Variants in CBR4 observed in about 807,000 individuals in gnomAD.
The protein encoded by CBR4 is carbonyl reductase 4.
Under a neutral mutation model 21.0 loss-of-function variants are expected in CBR4, and 22 were observed. The observed-to-expected ratio is 1.05, with a 90% CI of 0.75 to 1.50. The LOEUF is 1.50. CBR4 is among the 40% of genes most tolerant of loss of function. The probability of loss-of-function intolerance (pLI) is 0.00; values close to 1 mark genes in which losing one functional copy is unlikely to be tolerated. For missense variants in CBR4, 302 were observed against 286.3 expected, an observed-to-expected ratio of 1.05 and a Z score of -0.40; for synonymous variants, 100 against 104.4, an observed-to-expected ratio of 0.96 and a Z score of 0.26.
chr4:168,988,818 T>A lies in CBR4; in HGVS notation c.*1332A>T, dbSNP rs1238926289. The A allele has an allele frequency of 1.1e-6, 1 of 952,136 alleles. No individual in the cohort carries two copies. Among genetic ancestry groups the A allele is most frequent in the African/African-American group, 1.8e-5 (1 of 56,526 alleles). The allele number at this position is 952,136 out of a possible 1,614,324, so 59.0% of individuals were successfully genotyped here. ...CCAGAATTTTTATTTAGAACACTGC[T>A]TTGACTTTTGTTATTACTTTGTATT... On this transcript the variant is annotated 3_prime_UTR_variant, in exon 5 of 5. Transcript: ENST00000306193.
chr4:168,963,783 T>G (rs536558810), intron 2 of CBR4, among the ~76,000 whole-genome samples: 2 of 152,252 alleles, frequency 1.3e-5, no homozygotes, highest in South Asian at 4.1e-4. Flanking sequence ...AAACTATTAA[T>G]AGCTACTGTA....
intron 2 of CBR4, among the ~76,000 whole-genome samples, chr4:168,907,135 T>G (rs1204485958): frequency 6.6e-6 from 1 of 151,792 alleles, no homozygotes; most frequent in Non-Finnish European, 1.5e-5. Flanking sequence ...ATAATAATAA[T>G]AATAATACAG....
At chr4:168,974,275 C>T (rs1764302924) in intron 2 of CBR4, among the ~76,000 whole-genome samples, 1 of 152,142 alleles carries the variant, frequency 6.6e-6, no homozygotes, top group Non-Finnish European at 1.5e-5. Context: ...GCTGAGAAAA[C>T]TGCTGGAAAT....
At chr4:168,938,173 G>A (rs748321152) in intron 2 of CBR4, among the ~76,000 whole-genome samples, 11 of 151,970 alleles carry the variant, frequency 7.2e-5, no homozygotes, top group South Asian at 2.1e-4. Context: ...TCAAAACCAC[G>A]TAATTACATA....
intron 2 of CBR4, chr4:168,926,719 A>G (rs561365415): frequency 9.5e-6 from 3 of 316,922 alleles, no homozygotes; most frequent in African/African-American, 6.3e-5. Context: ...GTGCCTTTAA[A>G]CACAAGATAT....
chr4:168,927,674 A>T, intron 2 of CBR4: 1 of 226,178 alleles, frequency 4.4e-6, no homozygotes, highest in Admixed American at 5.7e-5. Flanking sequence ...TGCCTTAAGA[A>T]GGTGCTGGAT....
intron 2 of CBR4, among the ~76,000 whole-genome samples, chr4:168,934,158 G>A (rs1763038278): frequency 1.3e-5 from 2 of 151,186 alleles, no homozygotes; most frequent in African/African-American, 4.9e-5. Context: ...AGAAGGCTCG[G>A]GCCAGGTTGC....
chr4:168,972,609 T>C (rs531482128), intron 2 of CBR4, among the ~76,000 whole-genome samples: 2 of 152,336 alleles, frequency 1.3e-5, no homozygotes, highest in South Asian at 4.1e-4. Flanking sequence ...AGCAGTGATA[T>C]TTATTTGTAT....
intron 2 of CBR4, among the ~76,000 whole-genome samples, chr4:168,902,142 A>C (rs915321715): frequency 6.6e-6 from 1 of 152,190 alleles, no homozygotes; most frequent in African/African-American, 2.4e-5. Context: ...TTTCAGATTC[A>C]AATACTTTGA....
Position 169,010,240 on chromosome 4 carries a change from G to C in CBR4, c.-151C>G. 3 of 688,106 alleles carry C rather than the reference G, an allele frequency of 4.4e-6. No homozygotes were observed. Among genetic ancestry groups the C allele is most frequent in the South Asian group, 4.2e-5 (2 of 48,152 alleles). 42.6% of individuals were successfully genotyped at this position (688,106 alleles called of 1,614,324 possible). A position where few individuals can be genotyped will look rare whatever the true frequency, so the allele number is the denominator to read the frequency against. On this transcript the variant is annotated 5_prime_UTR_variant, in exon 1 of 5. Coordinates refer to ENST00000306193, the MANE Select transcript of CBR4 (RefSeq NM_032783.5). The stretch of plus-strand genomic sequence containing the variant: ...AAAATAACGCCGCTCGACACCTCCT[G>C]CAGCCGCACAATAGTAATGCAAGAC...
chr4:168,940,546 C>T (rs1763234647), intron 2 of CBR4, among the ~76,000 whole-genome samples: 1 of 151,816 alleles, frequency 6.6e-6, no homozygotes, highest in Non-Finnish European at 1.5e-5. Flanking sequence ...ACCCATCTGA[C>T]AAAGGGCTAA....
At chr4:168,930,291 A>G (rs1762936624) in intron 2 of CBR4, among the ~76,000 whole-genome samples, 1 of 152,178 alleles carries the variant, frequency 6.6e-6, no homozygotes, top group Non-Finnish European at 1.5e-5. Flanking sequence ...AAAAAGGCAT[A>G]TGGCACCAAA....
intron 2 of CBR4, among the ~76,000 whole-genome samples, chr4:168,971,436 A>AT (rs70961566): frequency 0.26 from 28,870 of 112,436 alleles, 4,192 homozygotes; most frequent in African/African-American, 0.45. Context: ...TGCCCAGCTC[A>AT]TTTTTTTTTT....
At chr4:168,969,748 C>A (rs1733484891) in intron 2 of CBR4, among the ~76,000 whole-genome samples, 1 of 152,178 alleles carries the variant, frequency 6.6e-6, no homozygotes, top group African/African-American at 2.4e-5. Flanking sequence ...ACATACTCTT[C>A]AACTTTGCAA....
intron 2 of CBR4, among the ~76,000 whole-genome samples, chr4:168,962,025 CA>C (rs372602893): frequency 8.1e-5 from 9 of 111,282 alleles, no homozygotes; most frequent in African/African-American, 1.0e-4. Context: ...GCAAGCAGGC[CA>C]AAAAAAAAAC....
chr4:169,001,919 ATT>A (rs748041039), intron 4 of CBR4, 150 bp downstream of exon 4: 14 of 688,346 alleles, frequency 2.0e-5, no homozygotes, highest in African/African-American at 1.5e-4. Context: ...GGTACAAAAA[ATT>A]TTTTTGAGTC....
At chr4:168,961,738 AAAT>A (rs1182698900) in intron 2 of CBR4, among the ~76,000 whole-genome samples, 1 of 152,192 alleles carries the variant, frequency 6.6e-6, no homozygotes, top group Non-Finnish European at 1.5e-5. Context: ...AAAAATACAA[AAAT>A]TAGCTGGCCA....
chr4:168,989,189 T>A lies in CBR4; in HGVS notation c.*961A>T, dbSNP rs370228361. 11 of 967,372 alleles carry A rather than the reference T, an allele frequency of 1.1e-5. No individual in the cohort carries two copies. The African/African-American group carries it at 1.8e-4, about 15-fold the overall frequency. The allele number at this position is 967,372 out of a possible 1,614,324, so 59.9% of individuals were successfully genotyped here. ...TAGAATTTTGGGATAAGAATCATAATCACTAATGCAAAATACTCTTAATTT... is the reference window on the plus strand; with the variant it reads ...TAGAATTTTGGGATAAGAATCATAAACACTAATGCAAAATACTCTTAATTT... On this transcript the variant is annotated 3_prime_UTR_variant, in exon 5 of 5. Coordinates refer to ENST00000306193, the MANE Select transcript of CBR4 (RefSeq NM_032783.5).
chr4:168,950,368 AAGCAGGT>A (rs1422858649), intron 2 of CBR4, among the ~76,000 whole-genome samples: 7 of 152,082 alleles, frequency 4.6e-5, no homozygotes, highest in African/African-American at 1.7e-4. Flanking sequence ...TTTGACCCAA[AAGCAGGT>A]TAATTTTCAT....
Sources: allele counts gnomAD v4.1 joint callset (sites outside exome capture counted in the v4.1 genomes callset), GRCh38; gene constraint gnomAD v4.1.1; transcripts MANE v1.5; gene names NCBI Gene and HGNC (gene_info 2026-07-23, HGNC 2026-07-21).